Variants in CDYL2 observed in about 807,000 individuals in gnomAD.
CDYL2 encodes the protein chromodomain Y-like protein 2.
In CDYL2, 23 loss-of-function variants were observed where a neutral mutation model predicts 49.4. The observed-to-expected ratio is 0.47, with a 90% CI of 0.34 to 0.66. The LOEUF (loss-of-function observed/expected upper bound fraction) is 0.66, where lower values mean the gene tolerates loss of function less well. Ranked by LOEUF, CDYL2 falls within the 30% of genes least tolerant of loss-of-function variation. The pLI, the probability that CDYL2 is intolerant of heterozygous loss-of-function variation, is 0.01. For synonymous variants in CDYL2, 360 were observed against 268.8 expected, an observed-to-expected ratio of 1.34 and a Z score of -3.32; for missense variants, 678 against 656.4, an observed-to-expected ratio of 1.03 and a Z score of -0.36.
At chr16:80,768,228 G>A (rs745777332) in intron 1 of CDYL2, among the ~76,000 whole-genome samples, 10 of 152,078 alleles carry the variant, frequency 6.6e-5, no homozygotes, top group African/African-American at 1.2e-4. Context: ...GACAATATCC[G>A]AAACTTGGAA....
chr16:80,754,335 T>C (rs996251391), intron 1 of CDYL2, among the ~76,000 whole-genome samples: 2 of 152,126 alleles, frequency 1.3e-5, no homozygotes, highest in Non-Finnish European at 2.9e-5. Flanking sequence ...TATGGCTTTC[T>C]GGGGGCTGGG....
chr16:80,681,552 C>A (rs1236714372), intron 2 of CDYL2, among the ~76,000 whole-genome samples: 2 of 152,234 alleles, frequency 1.3e-5, no homozygotes, highest in Non-Finnish European at 2.9e-5. Context: ...CTCTTCAACA[C>A]TCTCCTTCTC....
chr16:80,633,067 G>A lies in CDYL2; in HGVS notation c.786C>T (p.His262=). 6.2e-7 allele frequency: 1 copy of A among 1,614,190 alleles called. No homozygotes were observed. Among genetic ancestry groups the A allele is most frequent in the Non-Finnish European group, 8.5e-7 (1 of 1,180,030 alleles). The part of the protein sequence containing the change: ...IVVRKEEGFT[H]ILLSSQTSDN... ...CCGAGGTCTGACTGGACAGCAGGAT[G>A]TGCGTGAACCCTTCTTCCTTCCGCA... The change falls in exon 3 of 7, where the codon CAC becomes CAT. Residue 262 remains histidine (H), a synonymous_variant. Coordinates refer to ENST00000570137, the MANE Select transcript of CDYL2 (RefSeq NM_152342.4).
rs185162598 is a variant in CDYL2, at chr16:80,692,895, T to C, written c.25-7766A>G. On this transcript the variant is annotated intron_variant, in intron 1 of 6. Transcript: ENST00000570137. ...GACACGATCAATGATCAGAGCATTTTTTCTCATAACAGACAAAACCTGGAG... is the reference window on the plus strand; with the variant it reads ...GACACGATCAATGATCAGAGCATTTCTTCTCATAACAGACAAAACCTGGAG... 4.6e-4 allele frequency among the ~76,000 whole-genome samples: 70 copies of C among 152,320 alleles called. 1 individual carries two copies. The highest frequency in any genetic ancestry group is 3.4e-3 in the Middle Eastern group (1 of 294).
chr16:80,736,579 G>A (rs1005752457), intron 1 of CDYL2: 1 of 152,128 alleles, frequency 6.6e-6, no homozygotes, highest in African/African-American at 2.4e-5. Flanking sequence ...GCTGAACACT[G>A]GGACTGTGGA....
At chr16:80,752,993 G>A (rs895121267) in intron 1 of CDYL2, among the ~76,000 whole-genome samples, 1 of 152,182 alleles carries the variant, frequency 6.6e-6, no homozygotes, top group Non-Finnish European at 1.5e-5. Flanking sequence ...ATGAACATTT[G>A]TTGTGCTAAA....
intron 1 of CDYL2, among the ~76,000 whole-genome samples, chr16:80,719,170 G>A (rs531820474): frequency 2.6e-5 from 4 of 152,114 alleles, no homozygotes; most frequent in Non-Finnish European, 5.9e-5. Context: ...GAGCAAGAAA[G>A]ACACAGTCAC....
chr16:80,773,330 A>T (rs1462020690), intron 1 of CDYL2, among the ~76,000 whole-genome samples: 2 of 152,216 alleles, frequency 1.3e-5, no homozygotes, highest in Non-Finnish European at 2.9e-5. Flanking sequence ...CAAAATACAA[A>T]ATGTAAAAAT....
rs71400114 is a variant in CDYL2, at chr16:80,758,636, T to G, written c.24+45514A>C. 1.7e-3 allele frequency among the ~76,000 whole-genome samples: 256 copies of G among 147,238 alleles called. 2 individuals are homozygous for G. The highest frequency in any genetic ancestry group is 1.7e-3 in the Non-Finnish European group (114 of 67,246). On this transcript the variant is annotated intron_variant, in intron 1 of 6. Coordinates refer to ENST00000570137, the MANE Select transcript of CDYL2 (RefSeq NM_152342.4). ...CCGCTCACTGCAAGCTCTGCCTCCC[T>G]GGTTCACGCCATTCTCCTGCCTCAG...
At chr16:80,713,554 C>T (rs1421614396) in intron 1 of CDYL2, among the ~76,000 whole-genome samples, 1 of 152,002 alleles carries the variant, frequency 6.6e-6, no homozygotes, top group Non-Finnish European at 1.5e-5. Flanking sequence ...GGGGGATGAC[C>T]GGCCTCAACA....
chr16:80,782,445 C>G (rs183430269), intron 1 of CDYL2, among the ~76,000 whole-genome samples: 1 of 146,124 alleles, frequency 6.8e-6, no homozygotes, highest in Non-Finnish European at 1.5e-5. Context: ...TTAAAATCTT[C>G]TAAAAAGCTA....
intron 1 of CDYL2, among the ~76,000 whole-genome samples, chr16:80,747,541 G>A (rs1799165219): frequency 6.6e-6 from 1 of 152,190 alleles, no homozygotes; most frequent in Admixed American, 6.5e-5. Flanking sequence ...TGTTACCAAT[G>A]TTGTCGTGAA....
intron 1 of CDYL2, among the ~76,000 whole-genome samples, chr16:80,773,065 A>G (rs979553295): frequency 1.3e-5 from 2 of 152,186 alleles, no homozygotes; most frequent in Non-Finnish European, 2.9e-5. Flanking sequence ...ACAAAGATAC[A>G]TGTAAAACAT....
At chr16:80,697,524 C>T (rs1904281243) in intron 1 of CDYL2, among the ~76,000 whole-genome samples, 1 of 152,136 alleles carries the variant, frequency 6.6e-6, no homozygotes, top group Non-Finnish European at 1.5e-5. Flanking sequence ...GACAAGGAGG[C>T]ACACTTTCAC....
rs141529378 is a variant in CDYL2 at position 80,764,383 on chromosome 16, G to A, written c.24+39767C>T. ...AACTGAGCCATGTGTCTTATTCTAC[G>A]GAGGAAGACCCAAGAGTACAGTGTC... On this transcript the variant is annotated intron_variant, in intron 1 of 6. Transcript: ENST00000570137. 6.9e-4 allele frequency among the ~76,000 whole-genome samples: 105 copies of A among 152,166 alleles called. No homozygotes were observed. In the Middle Eastern group the frequency reaches 0.01, roughly 15 times the overall value.
chr16:80,751,750 C>T (rs1906144178), intron 1 of CDYL2, among the ~76,000 whole-genome samples: 1 of 152,154 alleles, frequency 6.6e-6, no homozygotes, highest in South Asian at 2.1e-4. Context: ...TCAGGACCTG[C>T]CCAGGCAAAA....
intron 1 of CDYL2, among the ~76,000 whole-genome samples, chr16:80,790,821 C>G (rs1482301709): frequency 6.6e-6 from 1 of 152,176 alleles, no homozygotes; most frequent in Admixed American, 6.5e-5. Context: ...TGTGCTGAGC[C>G]TCCCTGCCGT....
chr16:80,662,567 T>A (rs1452970231), intron 2 of CDYL2, among the ~76,000 whole-genome samples: 1 of 152,168 alleles, frequency 6.6e-6, no homozygotes, highest in Non-Finnish European at 1.5e-5. Flanking sequence ...ACCTGGGGTA[T>A]ACGGATGGGC....
At chr16:80,709,983 G>A (rs918313718) in intron 1 of CDYL2, among the ~76,000 whole-genome samples, 2 of 151,120 alleles carry the variant, frequency 1.3e-5, no homozygotes, top group Admixed American at 6.6e-5. Context: ...CCTGGAGTGC[G>A]GTGGTGCTAT....
Sources: gnomAD v4.1 joint callset for allele counts (sites outside exome capture counted in the v4.1 genomes callset) on GRCh38, gnomAD v4.1.1 for gene constraint, MANE v1.5 for transcripts, NCBI Gene and HGNC (gene_info 2026-07-23, HGNC 2026-07-21) for gene names.